LYRM4: variants seen among roughly 807,000 people sequenced by gnomAD.
The protein encoded by LYRM4 is LYR motif containing 4, also known as LYR motif-containing protein 4.
Under a neutral mutation model 11.7 loss-of-function variants are expected in LYRM4, and 9 were observed. The ratio of observed to expected loss-of-function variants is 0.77; its 90% CI spans 0.46 to 1.34. LYRM4 has a LOEUF of 1.34. Among genes scored for constraint, LYRM4 ranks in the 40% most tolerant of loss-of-function variants. LYRM4 has a pLI of 0.00. For synonymous variants in LYRM4, 42 were observed against 40.4 expected (o/e 1.04, Z -0.15); for missense variants, 133 against 112.5 (o/e 1.18, Z -0.82).
the LYRM4 span, among the ~76,000 whole-genome samples, chr6:5,046,537 GCTT>G: frequency 6.6e-6 from 1 of 152,216 alleles, no homozygotes; most frequent in East Asian, 1.9e-4. Context: ...GTCCCACATG[GCTT>G]CTTTACTAAT....
At chr6:5,238,284 T>C (rs1344643052) in intron 1 of LYRM4, among the ~76,000 whole-genome samples, 1 of 152,176 alleles carries the variant, frequency 6.6e-6, no homozygotes, top group African/African-American at 2.4e-5. Context: ...AATTTCTTAC[T>C]GAGAATTTGG....
the LYRM4 span, among the ~76,000 whole-genome samples, chr6:5,042,129 C>T: frequency 0.73 from 110,953 of 152,000 alleles, 41,269 homozygotes; most frequent in East Asian, 0.95. Context: ...TTTTGTGTGT[C>T]ATCAAATATA....
At chr6:5,172,899 T>C (rs905858683) in intron 2 of LYRM4, among the ~76,000 whole-genome samples, 15 of 152,196 alleles carry the variant, frequency 9.9e-5, no homozygotes. Flanking sequence ...CATTCTACTC[T>C]TTCACATTAG....
chr6:5,242,009 G>C (rs1266582878), intron 1 of LYRM4, among the ~76,000 whole-genome samples: 1 of 151,586 alleles, frequency 6.6e-6, no homozygotes, highest in Non-Finnish European at 1.5e-5. Context: ...ATCTGTAAGT[G>C]CTTTACAGAT....
At chr6:5,073,842 GC>G in the LYRM4 span, among the ~76,000 whole-genome samples, 1 of 152,136 alleles carries the variant, frequency 6.6e-6, no homozygotes, top group Non-Finnish European at 1.5e-5. Context: ...GGGGCTCTAG[GC>G]CCCGCCACAC....
chr6:5,177,525 G>A (rs982883249), intron 2 of LYRM4, among the ~76,000 whole-genome samples: 3 of 152,176 alleles, frequency 2.0e-5, no homozygotes, highest in East Asian at 1.9e-4. Flanking sequence ...TTGTTGAATT[G>A]ACCTCTAGAC....
chr6:5,041,638 C>G, the LYRM4 span, among the ~76,000 whole-genome samples: 1 of 152,148 alleles, frequency 6.6e-6, no homozygotes, highest in East Asian at 1.9e-4. Flanking sequence ...GACTTGAAAG[C>G]AAGGATAGAG....
intron 2 of LYRM4, among the ~76,000 whole-genome samples, chr6:5,163,888 G>A (rs1758915076): frequency 6.6e-6 from 1 of 152,084 alleles, no homozygotes; most frequent in Non-Finnish European, 1.5e-5. Flanking sequence ...ATTACAGCAT[G>A]AGCCACTGTG....
intron 1 of LYRM4, among the ~76,000 whole-genome samples, chr6:5,226,422 T>C (rs902995788): frequency 6.6e-6 from 1 of 152,202 alleles, no homozygotes; most frequent in African/African-American, 2.4e-5. Flanking sequence ...TTTGCTCTTG[T>C]TGCCCAGGCT....
At chr6:5,156,688 C>T (rs201917089) in intron 2 of LYRM4, among the ~76,000 whole-genome samples, 9 of 62,756 alleles carry the variant, frequency 1.4e-4, no homozygotes, top group Non-Finnish European at 2.0e-4. Flanking sequence ...TTTATGCAAC[C>T]GAATCCAGAT....
At chr6:5,110,561 C>T (rs751533410) in intron 2 of LYRM4, among the ~76,000 whole-genome samples, 1 of 152,018 alleles carries the variant, frequency 6.6e-6, no homozygotes, top group Non-Finnish European at 1.5e-5. Context: ...CTAAGTGTTG[C>T]GGTGCAAGAG....
At chr6:5,145,891 A>T (rs1268902053) in intron 2 of LYRM4, among the ~76,000 whole-genome samples, 1 of 152,072 alleles carries the variant, frequency 6.6e-6, no homozygotes, top group African/African-American at 2.4e-5. Flanking sequence ...ATTCCATTCC[A>T]TTCCACTCCA....
chr6:5,139,617 T>A (rs775925049), intron 2 of LYRM4, among the ~76,000 whole-genome samples: 111 of 152,358 alleles, frequency 7.3e-4, no homozygotes, highest in Admixed American at 1.5e-3. Context: ...CCTAACTGGA[T>A]GTGTACACAG....
intron 2 of LYRM4, among the ~76,000 whole-genome samples, chr6:5,211,910 C>T (rs978452718): frequency 6.6e-6 from 1 of 152,232 alleles, no homozygotes; most frequent in African/African-American, 2.4e-5. Flanking sequence ...CTGGCAACTT[C>T]TCTGGTGCTG....
chr6:5,085,755 C>A, the LYRM4 span: 28 of 1,537,272 alleles, frequency 1.8e-5, no homozygotes, highest in Admixed American at 5.6e-4. Context: ...TGCCCGCCGA[C>A]CCCATCTTGC....
the LYRM4 span, among the ~76,000 whole-genome samples, chr6:5,047,754 C>T: frequency 4.6e-5 from 7 of 152,120 alleles, no homozygotes; most frequent in Non-Finnish European, 8.8e-5. Context: ...AAAAACAATT[C>T]AAGTTGTATT....
chr6:5,119,676 G>A (rs1763319819), intron 2 of LYRM4, among the ~76,000 whole-genome samples: 1 of 151,240 alleles, frequency 6.6e-6, no homozygotes, highest in South Asian at 2.1e-4. Flanking sequence ...TGTAATCCCA[G>A]CTACTGGGAA....
intron 1 of LYRM4, among the ~76,000 whole-genome samples, chr6:5,226,918 T>C (rs1762927986): frequency 6.6e-6 from 1 of 152,088 alleles, no homozygotes; most frequent in Non-Finnish European, 1.5e-5. Flanking sequence ...AAATCAGTAG[T>C]AGAGAGGGCT....
chr6:5,190,036 T>C (rs561507775), intron 2 of LYRM4, among the ~76,000 whole-genome samples: 1 of 152,350 alleles, frequency 6.6e-6, no homozygotes, highest in Non-Finnish European at 1.5e-5. Context: ...CAGAGACTCC[T>C]GCTTTCTAAT....
Sources: allele counts gnomAD v4.1 joint callset (sites outside exome capture counted in the v4.1 genomes callset), GRCh38; gene constraint gnomAD v4.1.1; transcripts MANE v1.5; gene names NCBI Gene and HGNC (gene_info 2026-07-23, HGNC 2026-07-21).